PLXNA4: variants seen among roughly 807,000 people sequenced by gnomAD.
PLXNA4 encodes plexin-A4.
A neutral mutation model predicts 191.8 loss-of-function variants in PLXNA4; 44 were observed. The observed-to-expected ratio is 0.23, with a 90% CI of 0.18 to 0.29. PLXNA4 has a LOEUF of 0.29. Ranked by LOEUF, PLXNA4 falls within the 10% of genes least tolerant of loss-of-function variation. The pLI is 1.00. For missense variants in PLXNA4, 1,800 were observed against 2,488.8 expected (o/e 0.72, Z 5.89); for synonymous variants, 1,082 against 1,009.5 (o/e 1.07, Z -1.36).
chr7:132,623,778 A>T (rs933179308), intron 2 of PLXNA4, among the ~76,000 whole-genome samples: 2 of 152,206 alleles, frequency 1.3e-5, no homozygotes, highest in African/African-American at 2.4e-5. Context: ...GTCTAGCAGG[A>T]AGCAACCCCC....
At chr7:132,336,130 A>T (rs1802807438) in intron 3 of PLXNA4, among the ~76,000 whole-genome samples, 1 of 152,240 alleles carries the variant, frequency 6.6e-6, no homozygotes, top group Non-Finnish European at 1.5e-5. Flanking sequence ...TAACAAGGAA[A>T]GCCATGTTCT....
Position 132,435,978 on chromosome 7 carries a change from G to C in PLXNA4, c.1371+53314C>G, listed in dbSNP as rs182977334. ...TAGTACTAATATTCTCTAAATTAGA[G>C]GTTTCTGGCTTAGGGGCACCCCCGA... On this transcript the variant is annotated intron_variant, in intron 3 of 31. Coordinates refer to ENST00000321063, the MANE Select transcript of PLXNA4 (RefSeq NM_020911.2). Among the ~76,000 whole-genome samples, 14 of 152,322 alleles carry C rather than the reference G, an allele frequency of 9.2e-5. No individual in the cohort carries two copies. In the East Asian group the frequency reaches 2.1e-3, roughly 23 times the overall value.
At chr7:132,365,348 T>TGC (rs1328603703) in intron 3 of PLXNA4, among the ~76,000 whole-genome samples, 1 of 105,264 alleles carries the variant, frequency 9.5e-6, no homozygotes, top group African/African-American at 5.8e-5. Context: ...TGTGTGTGTG[T>TGC]GTGTGTGTGT....
At chr7:132,176,969 A>G (rs1796489930) in intron 20 of PLXNA4, among the ~76,000 whole-genome samples, 2 of 150,718 alleles carry the variant, frequency 1.3e-5, no homozygotes, top group African/African-American at 4.9e-5. Flanking sequence ...GCGTGAGTGT[A>G]TGAGTGTGCA....
At chr7:132,191,475 C>T (rs7779444) in intron 14 of PLXNA4, among the ~76,000 whole-genome samples, 1 of 151,898 alleles carries the variant, frequency 6.6e-6, no homozygotes, top group East Asian at 1.9e-4. Flanking sequence ...TTGATTGAGC[C>T]GCTGGAGTGA....
intron 4 of PLXNA4, among the ~76,000 whole-genome samples, chr7:132,255,378 TA>T (rs1175628851): frequency 1.3e-5 from 2 of 152,146 alleles, no homozygotes; most frequent in Non-Finnish European, 2.9e-5. Context: ...ATAATACATG[TA>T]AAACACTCAA....
At chr7:132,570,025 G>A (rs914178189) in intron 1 of PLXNA4, among the ~76,000 whole-genome samples, 1 of 152,114 alleles carries the variant, frequency 6.6e-6, no homozygotes, top group Non-Finnish European at 1.5e-5. Context: ...TGGATTCCAG[G>A]TCCACTACAC....
chr7:132,532,410 G>A (rs115329932), intron 1 of PLXNA4, among the ~76,000 whole-genome samples: 3,288 of 152,242 alleles, frequency 0.022, 141 homozygotes, highest in African/African-American at 0.075. Flanking sequence ...GTACAAATGC[G>A]TTGATGCAGT....
At chr7:132,475,709 C>T (rs576997299) in intron 3 of PLXNA4, among the ~76,000 whole-genome samples, 12 of 151,912 alleles carry the variant, frequency 7.9e-5, no homozygotes, top group Non-Finnish European at 1.8e-4. Context: ...GCGAGGTCAG[C>T]AAGCAAGAGA....
intron 3 of PLXNA4, among the ~76,000 whole-genome samples, chr7:132,399,069 C>T (rs1422240330): frequency 6.6e-6 from 1 of 152,184 alleles, no homozygotes; most frequent in Non-Finnish European, 1.5e-5. Flanking sequence ...CCATCCCATG[C>T]CATCTGATTG....
chr7:132,367,254 G>GTT (rs1804224033), intron 3 of PLXNA4, among the ~76,000 whole-genome samples: 1 of 152,226 alleles, frequency 6.6e-6, no homozygotes, highest in East Asian at 1.9e-4. Flanking sequence ...GCTGGGCTGT[G>GTT]GTGGCCACAC....
chr7:132,447,425 G>T (rs1396239390), intron 3 of PLXNA4, among the ~76,000 whole-genome samples: 1 of 152,182 alleles, frequency 6.6e-6, no homozygotes, highest in Non-Finnish European at 1.5e-5. Flanking sequence ...CCTAAGTACT[G>T]ATGTTTTCAG....
At chr7:132,537,894 C>T (rs925177574) in intron 1 of PLXNA4, among the ~76,000 whole-genome samples, 3 of 152,196 alleles carry the variant, frequency 2.0e-5, no homozygotes, top group African/African-American at 4.8e-5. Context: ...CACCACAACC[C>T]GCACGCTCAG....
chr7:132,569,835 C>T (rs899468495), intron 1 of PLXNA4, among the ~76,000 whole-genome samples: 4 of 152,228 alleles, frequency 2.6e-5, no homozygotes, highest in Admixed American at 6.5e-5. Flanking sequence ...CAGAGGTGGA[C>T]TCTGTACCTA....
At chr7:132,296,096 G>A (rs1051522817) in intron 4 of PLXNA4, among the ~76,000 whole-genome samples, 6 of 151,994 alleles carry the variant, frequency 3.9e-5, no homozygotes, top group African/African-American at 1.2e-4. Context: ...GACCAGTGTC[G>A]GCCCAGGTGT....
intron 3 of PLXNA4, among the ~76,000 whole-genome samples, chr7:132,312,442 C>G (rs1209925527): frequency 6.6e-6 from 1 of 152,030 alleles, no homozygotes; most frequent in Non-Finnish European, 1.5e-5. Flanking sequence ...GAAAACTGAG[C>G]CCGGTGGGGA....
At chr7:132,423,478 G>A (rs1015406824) in intron 3 of PLXNA4, among the ~76,000 whole-genome samples, 6 of 152,172 alleles carry the variant, frequency 3.9e-5, no homozygotes, top group Non-Finnish European at 8.8e-5. Flanking sequence ...TGGATAAACT[G>A]AGTCTGAGAG....
intron 30 of PLXNA4, among the ~76,000 whole-genome samples, chr7:132,137,826 G>T (rs527792433): frequency 6.6e-6 from 1 of 151,758 alleles, no homozygotes; most frequent in African/African-American, 2.4e-5. Flanking sequence ...TGGGAGGACA[G>T]GCGGGACGAT....
chr7:132,192,549 G>T (rs902314441), intron 14 of PLXNA4, among the ~76,000 whole-genome samples: 4 of 149,770 alleles, frequency 2.7e-5, no homozygotes, highest in African/African-American at 7.6e-5. Context: ...GGCGAGGGGT[G>T]GGGGTGCAGA....
Sources: allele counts gnomAD v4.1 joint callset (sites outside exome capture counted in the v4.1 genomes callset), GRCh38; gene constraint gnomAD v4.1.1; transcripts MANE v1.5; gene names NCBI Gene and HGNC (gene_info 2026-07-23, HGNC 2026-07-21).